The following SLMAP variants were observed in gnomAD, a reference collection of about 807,000 sequenced individuals.
SLMAP encodes sarcolemmal membrane-associated protein.
Under a neutral mutation model 128.8 loss-of-function variants are expected in SLMAP, and 44 were observed. That is an observed-to-expected ratio of 0.34 (90% CI 0.27 to 0.44). The LOEUF is 0.44. Among genes scored for constraint, SLMAP ranks in the 20% least tolerant of loss-of-function variants. The probability of loss-of-function intolerance (pLI) is 1.00; values close to 1 mark genes in which losing one functional copy is unlikely to be tolerated. For synonymous variants in SLMAP, 327 were observed against 348.8 expected (o/e 0.94, Z 0.70); for missense variants, 787 against 985.3 (o/e 0.80, Z 2.69).
chr3:57,876,896 G>A (rs924721948), intron 14 of SLMAP, among the ~76,000 whole-genome samples: 2 of 152,168 alleles, frequency 1.3e-5, no homozygotes, highest in Admixed American at 1.3e-4. Flanking sequence ...CTGTTCTAAT[G>A]AGGAGAGAGG....
chr3:57,926,053 A>C, intron 24 of SLMAP, 119 bp downstream of exon 24: 1 of 701,298 alleles, frequency 1.4e-6, no homozygotes, highest in East Asian at 2.7e-5. Context: ...CAAACCCTTC[A>C]TTTAGTATGC....
At chr3:57,811,238 T>G (rs2090918962) in intron 2 of SLMAP, among the ~76,000 whole-genome samples, 1 of 152,124 alleles carries the variant, frequency 6.6e-6, no homozygotes, top group Non-Finnish European at 1.5e-5. Flanking sequence ...AGACAGTAAC[T>G]CTCCATTTTT....
chr3:57,924,959 T>C (rs1049927636), intron 23 of SLMAP, among the ~76,000 whole-genome samples: 1 of 147,858 alleles, frequency 6.8e-6, no homozygotes, highest in Non-Finnish European at 1.5e-5. Flanking sequence ...TGTTTTTTGT[T>C]TTTTTTTTTT....
rs145719763 is a variant in SLMAP at position 57,849,843 on chromosome 3, A to G, written c.519+27A>G. On this transcript the variant is annotated intron_variant, in intron 6 of 24. Coordinates refer to ENST00000671191, the MANE Select transcript of SLMAP (RefSeq NM_001377540.1). ...TAAAAGTACATCTTGAGACTTCTTA[A>G]AAGCAGAATTTCTTTTAAACTTTTA... 2.6e-5 allele frequency: 33 copies of G among 1,265,716 alleles called. No homozygotes were observed. The African/African-American group carries it at 4.6e-4, about 17-fold the overall frequency. 78.4% of individuals were successfully genotyped at this position (1,265,716 alleles called of 1,614,324 possible).
chr3:57,773,881 C>T (rs1209019597), intron 2 of SLMAP, among the ~76,000 whole-genome samples: 2 of 152,110 alleles, frequency 1.3e-5, no homozygotes, highest in Non-Finnish European at 2.9e-5. Context: ...TAAAAGACTG[C>T]ACTTGTGTGC....
chr3:57,770,154 T>A (rs1323673331), intron 2 of SLMAP, among the ~76,000 whole-genome samples: 2 of 152,240 alleles, frequency 1.3e-5, no homozygotes, highest in African/African-American at 2.4e-5. Flanking sequence ...TCTGAGTGTC[T>A]CATTCTTGCA....
intron 2 of SLMAP, among the ~76,000 whole-genome samples, chr3:57,776,075 A>G (rs1359296884): frequency 2.0e-5 from 3 of 152,214 alleles, no homozygotes; most frequent in Non-Finnish European, 2.9e-5. Flanking sequence ...AATCAATGCC[A>G]TAGTTTCAGT....
At chr3:57,907,173 ACC>A (rs2096590350) in intron 17 of SLMAP, among the ~76,000 whole-genome samples, 1 of 152,092 alleles carries the variant, frequency 6.6e-6, no homozygotes, top group African/African-American at 2.4e-5. Flanking sequence ...GACTACTGGC[ACC>A]TGCCACCACG....
intron 15 of SLMAP, chr3:57,890,956 C>G (rs1038340701): frequency 6.6e-6 from 1 of 151,988 alleles, no homozygotes. Context: ...CTCGTGGTTT[C>G]CATTCTGAAT....
In SLMAP at chr3:57,860,499, G is replaced by T. The variant is rs542718459; in HGVS notation, c.688-200G>T. ...TAACTTTTTTTTTCTATAGGAAGTG[G>T]AAATTAGTAAGTTTGTGAAGGCATA... On this transcript the variant is annotated intron_variant, in intron 8 of 24. Coordinates refer to ENST00000671191, the MANE Select transcript of SLMAP (RefSeq NM_001377540.1). Among the ~76,000 whole-genome samples, 3 of 152,142 alleles carry T rather than the reference G, an allele frequency of 2.0e-5. No homozygotes were observed. In the East Asian group the frequency reaches 5.8e-4, roughly 29 times the overall value.
chr3:57,824,892 G>A (rs1220084588), intron 2 of SLMAP, among the ~76,000 whole-genome samples: 1 of 152,090 alleles, frequency 6.6e-6, no homozygotes, highest in African/African-American at 2.4e-5. Flanking sequence ...TGAACATGGG[G>A]ACATCTTTAT....
chr3:57,910,424 C>T (rs1479147178), intron 19 of SLMAP, among the ~76,000 whole-genome samples: 3 of 152,084 alleles, frequency 2.0e-5, no homozygotes, highest in South Asian at 4.1e-4. Flanking sequence ...CCTCGTGATC[C>T]ACCCACCTTG....
At chr3:57,813,305 G>A (rs1172343484) in intron 2 of SLMAP, among the ~76,000 whole-genome samples, 6 of 151,882 alleles carry the variant, frequency 4.0e-5, no homozygotes, top group East Asian at 1.9e-4. Context: ...CATGTTGGCC[G>A]GGTTGGTCTC....
intron 2 of SLMAP, among the ~76,000 whole-genome samples, chr3:57,783,062 A>G (rs547286120): frequency 3.7e-4 from 56 of 152,354 alleles, no homozygotes; most frequent in African/African-American, 1.3e-3. Context: ...GAAAATTGCT[A>G]CCAAGAAGTG....
At chr3:57,890,160 A>G (rs1326127583) in intron 15 of SLMAP, 60 bp downstream of exon 15, 1 of 1,534,426 alleles carries the variant, frequency 6.5e-7, no homozygotes, top group Non-Finnish European at 9.0e-7. Context: ...AGGTTAGTGT[A>G]TATTTTCAAG....
intron 6 of SLMAP, among the ~76,000 whole-genome samples, chr3:57,850,149 C>T (rs751904497): frequency 6.6e-6 from 1 of 152,084 alleles, no homozygotes; most frequent in Non-Finnish European, 1.5e-5. Context: ...GCACTCCATC[C>T]TAGGCAACAG....
chr3:57,760,195 C>T (rs566422198), intron 2 of SLMAP, among the ~76,000 whole-genome samples: 185 of 152,220 alleles, frequency 1.2e-3, no homozygotes, highest in Non-Finnish European at 2.2e-3. Context: ...CCTCCTCGGC[C>T]TCCCAAAGTG....
chr3:57,796,500 A>G (rs1194016268), intron 2 of SLMAP, among the ~76,000 whole-genome samples: 1 of 152,204 alleles, frequency 6.6e-6, no homozygotes, highest in East Asian at 1.9e-4. Flanking sequence ...TTCCTCCCTC[A>G]TAGGATTGTT....
intron 17 of SLMAP, chr3:57,898,900 T>A (rs529287886): frequency 6.6e-6 from 1 of 152,282 alleles, no homozygotes; most frequent in African/African-American, 2.4e-5. Flanking sequence ...GAAAACCAAC[T>A]TTATAGGTTT....
Sources: allele counts gnomAD v4.1 joint callset (sites outside exome capture counted in the v4.1 genomes callset), GRCh38; gene constraint gnomAD v4.1.1; transcripts MANE v1.5; gene names NCBI Gene and HGNC (gene_info 2026-07-23, HGNC 2026-07-21).